The following LPAR3 variants were observed in gnomAD, a reference collection of about 807,000 sequenced individuals.
LPAR3 encodes lysophosphatidic acid receptor 3.
In LPAR3, 7 loss-of-function variants were observed where a neutral mutation model predicts 17.8. The observed-to-expected ratio is 0.39, with a 90% CI of 0.22 to 0.74. LPAR3 has a LOEUF of 0.74. LPAR3 is among the 30% of genes least tolerant of loss of function. The probability of loss-of-function intolerance (pLI) is 0.40; values close to 1 mark genes in which losing one functional copy is unlikely to be tolerated. For synonymous variants in LPAR3, 179 were observed against 179.9 expected (o/e 0.99, Z 0.04); for missense variants, 391 against 453.4 (o/e 0.86, Z 1.25).
chr1:84,825,762 G>A (rs1459266811), intron 2 of LPAR3, among the ~76,000 whole-genome samples: 1 of 152,208 alleles, frequency 6.6e-6, no homozygotes, highest in Non-Finnish European at 1.5e-5. Context: ...CTCAAACAGA[G>A]AAAGGCCCAG....
In LPAR3 at chr1:84,813,938, G is replaced by T. The variant is rs369051960; in HGVS notation, c.970C>A (p.Pro324Thr). 8 of 1,614,032 alleles carry T rather than the reference G, an allele frequency of 5.0e-6. No homozygotes were observed. The African/African-American group carries it at 5.3e-5, about 11-fold the overall frequency. Reference protein sequence around the residue: ...ENPERRPSRIPSTVLSRSDTG... With the variant: ...ENPERRPSRITSTVLSRSDTG... Reference sequence around the variant, plus strand: ...TCACTCCTGCTGAGGACTGTGGAGGGGATGCGAGAGGGACGCCTCTCTGGG... The same window carrying T: ...TCACTCCTGCTGAGGACTGTGGAGGTGATGCGAGAGGGACGCCTCTCTGGG... The change falls in exon 3 of 3, where the codon CCC becomes ACC. Residue 324 changes from proline to threonine, a missense_variant. Pro to Thr is a conservative substitution (Grantham distance 38, BLOSUM62 -1). Coordinates refer to ENST00000370611, the MANE Select transcript of LPAR3 (RefSeq NM_012152.3).
Position 84,813,672 on chromosome 1 carries a change from C to T in LPAR3, c.*174G>A. 1.7e-6 allele frequency: 1 copy of T among 584,844 alleles called. No homozygotes were observed. Among genetic ancestry groups the T allele is most frequent in the South Asian group, 2.3e-5 (1 of 43,546 alleles). 36.2% of individuals were successfully genotyped at this position (584,844 alleles called of 1,614,324 possible). A position where few individuals can be genotyped will look rare whatever the true frequency, so the allele number is the denominator to read the frequency against. Reference sequence around the variant, plus strand: ...GTGCTTTCTCTAAATGCAGCAGGTCCTCTCTTTACTGCCCATGCTTTTAAA... The same window carrying T: ...GTGCTTTCTCTAAATGCAGCAGGTCTTCTCTTTACTGCCCATGCTTTTAAA... On this transcript the variant is annotated 3_prime_UTR_variant, in exon 3 of 3. Coordinates refer to ENST00000370611, the MANE Select transcript of LPAR3 (RefSeq NM_012152.3).
chr1:84,822,164 C>A (rs1469959865), intron 2 of LPAR3, among the ~76,000 whole-genome samples: 2 of 152,066 alleles, frequency 1.3e-5, no homozygotes, highest in Non-Finnish European at 2.9e-5. Context: ...CCTTCTGTGG[C>A]CAAGTGACAG....
intron 1 of LPAR3, among the ~76,000 whole-genome samples, chr1:84,875,270 T>C (rs1660235924): frequency 6.6e-6 from 1 of 152,226 alleles, no homozygotes; most frequent in South Asian, 2.1e-4. Flanking sequence ...AAGTACCTTG[T>C]CATATGCAAA....
intron 2 of LPAR3, among the ~76,000 whole-genome samples, chr1:84,836,357 A>AAG (rs34712729): frequency 6.7e-6 from 1 of 149,664 alleles, no homozygotes; most frequent in Non-Finnish European, 1.5e-5. Context: ...AAAAAAAAAA[A>AAG]CCCATTCTGC....
At position 84,865,995 on chromosome 1, in the gene LPAR3, C is replaced by T. The variant is rs372060054; in HGVS notation, c.126G>A (p.Leu42=). 2 of 1,614,056 alleles carry T rather than the reference C, an allele frequency of 1.2e-6. No individual in the cohort carries two copies. The highest frequency in any genetic ancestry group is 1.7e-6 in the Non-Finnish European group (2 of 1,179,986). ...IVLCVGTFFC[L]FIFFSNSLVI... Reference sequence around the variant, plus strand: ...CCAGAGAATTAGAAAAAAAAATAAACAGGCAGAAAAACGTCCCAACACACA... The same window carrying T: ...CCAGAGAATTAGAAAAAAAAATAAATAGGCAGAAAAACGTCCCAACACACA... Residue 42 remains leucine, a synonymous_variant, in exon 2 of 3, where the codon CTG becomes CTA. Transcript: ENST00000370611.
At chr1:84,837,086 G>C (rs577729332) in intron 2 of LPAR3, among the ~76,000 whole-genome samples, 1 of 147,670 alleles carries the variant, frequency 6.8e-6, no homozygotes, top group African/African-American at 2.5e-5. Flanking sequence ...GTGCAATGGT[G>C]CAATGGCTCA....
intron 2 of LPAR3, among the ~76,000 whole-genome samples, chr1:84,859,569 C>T (rs975791496): frequency 8.5e-5 from 13 of 152,172 alleles, no homozygotes; most frequent in Admixed American, 7.2e-4. Flanking sequence ...CAACCCAGCA[C>T]ACACACAGGC....
chr1:84,843,216 C>T (rs1659538582), intron 2 of LPAR3, among the ~76,000 whole-genome samples: 1 of 152,192 alleles, frequency 6.6e-6, no homozygotes, highest in South Asian at 2.1e-4. Flanking sequence ...TCTTTTGTTC[C>T]TGTCCTCTTT....
chr1:84,837,364 T>C (rs1298549249), intron 2 of LPAR3, among the ~76,000 whole-genome samples: 1 of 152,174 alleles, frequency 6.6e-6, no homozygotes, highest in Non-Finnish European at 1.5e-5. Context: ...TATCACACTT[T>C]AACTATTTAA....
At chr1:84,835,988 T>C (rs1429915274) in intron 2 of LPAR3, among the ~76,000 whole-genome samples, 2 of 147,224 alleles carry the variant, frequency 1.4e-5, no homozygotes, top group African/African-American at 5.0e-5. Flanking sequence ...TGAATATGAA[T>C]GCCCCCCCAA....
chr1:84,887,812 T>C (rs1660487514), intron 1 of LPAR3, among the ~76,000 whole-genome samples: 1 of 152,138 alleles, frequency 6.6e-6, no homozygotes, highest in South Asian at 2.1e-4. Context: ...GTAGGACCTA[T>C]ACAACTGCAA....
intron 2 of LPAR3, among the ~76,000 whole-genome samples, chr1:84,820,096 T>C (rs1659026018): frequency 6.6e-6 from 1 of 152,148 alleles, no homozygotes; most frequent in African/African-American, 2.4e-5. Flanking sequence ...TACAATAAAT[T>C]TGAAGTTTAG....
intron 2 of LPAR3, among the ~76,000 whole-genome samples, chr1:84,839,278 G>GT (rs1659462951): frequency 6.6e-6 from 1 of 152,166 alleles, no homozygotes; most frequent in African/African-American, 2.4e-5. Flanking sequence ...ATAATGATCT[G>GT]TTTTCCCAAT....
At chr1:84,844,382 A>G (rs1659560474) in intron 2 of LPAR3, among the ~76,000 whole-genome samples, 1 of 152,226 alleles carries the variant, frequency 6.6e-6, no homozygotes, top group African/African-American at 2.4e-5. Flanking sequence ...TGTTGATGGA[A>G]AGCATAAGGA....
rs137894837 is a variant in LPAR3, at chr1:84,878,251, T to C, written c.-18-12113A>G. ...CAGTCCTTATTTTCTTTGGTTTCAC[T>C]GTGGAAGCTGACAATAGTTATTCCC... On this transcript the variant is annotated intron_variant, in intron 1 of 2. Coordinates refer to ENST00000370611, the MANE Select transcript of LPAR3 (RefSeq NM_012152.3). 2.0e-5 allele frequency among the ~76,000 whole-genome samples: 3 copies of C among 152,300 alleles called. No individual in the cohort carries two copies. In the East Asian group the frequency reaches 5.8e-4, roughly 29 times the overall value.
intron 2 of LPAR3, among the ~76,000 whole-genome samples, chr1:84,825,021 G>A (rs1369925687): frequency 1.3e-5 from 2 of 152,206 alleles, no homozygotes; most frequent in Admixed American, 6.5e-5. Flanking sequence ...TAGAGTGTGA[G>A]TTTTAAAAGG....
At chr1:84,892,408 C>T (rs1216466278) in intron 1 of LPAR3, among the ~76,000 whole-genome samples, 2 of 152,042 alleles carry the variant, frequency 1.3e-5, no homozygotes, top group East Asian at 3.9e-4. Context: ...TGAGGGAAAG[C>T]AATAAAGTAA....
intron 2 of LPAR3, among the ~76,000 whole-genome samples, chr1:84,828,103 C>T (rs1394778903): frequency 6.6e-6 from 1 of 152,082 alleles, no homozygotes; most frequent in East Asian, 1.9e-4. Flanking sequence ...CGGGAAAACA[C>T]ATTCATCTCT....
Sources: allele counts gnomAD v4.1 joint callset (sites outside exome capture counted in the v4.1 genomes callset), GRCh38; gene constraint gnomAD v4.1.1; transcripts MANE v1.5; gene names NCBI Gene and HGNC (gene_info 2026-07-23, HGNC 2026-07-21).